PNPLA6: variants seen among roughly 807,000 people sequenced by gnomAD.
PNPLA6 encodes the protein patatin-like phospholipase domain-containing protein 6.
In PNPLA6, 105 loss-of-function variants were observed where a neutral mutation model predicts 153.7. The ratio of observed to expected loss-of-function variants is 0.68; its 90% CI spans 0.58 to 0.80. The LOEUF (loss-of-function observed/expected upper bound fraction) is 0.80. PNPLA6 is among the 30% of genes least tolerant of loss of function. The probability of loss-of-function intolerance (pLI) is 0.00; values close to 1 mark genes in which losing one functional copy is unlikely to be tolerated. For synonymous variants in PNPLA6, 825 were observed against 822.2 expected (o/e 1.00, Z -0.06); for missense variants, 1,423 against 1,919.3 (o/e 0.74, Z 4.83).
At chr19:7,556,907 G>T in intron 26 of PNPLA6, 183 bp downstream of exon 26, 1 of 692,926 alleles carries the variant, frequency 1.4e-6, no homozygotes, top group Non-Finnish European at 2.6e-6. Flanking sequence ...GTCCGTCCTT[G>T]GGGGAGGGGA....
intron 3 of PNPLA6, 115 bp downstream of exon 3, chr19:7,536,661 T>A: frequency 1.3e-6 from 1 of 757,022 alleles, no homozygotes; most frequent in South Asian, 1.5e-5. Context: ...GCGCTGTGGC[T>A]CATGCCTGTA....
chr19:7,544,435 G>A (rs1479848183), intron 13 of PNPLA6, among the ~76,000 whole-genome samples: 3 of 152,168 alleles, frequency 2.0e-5, no homozygotes, highest in African/African-American at 4.8e-5. Context: ...TTGATTGTTA[G>A]GATTTCACAG....
chr19:7,556,994 C>A, intron 26 of PNPLA6, 174 bp from the exon 27 acceptor site: 1 of 743,962 alleles, frequency 1.3e-6, no homozygotes, highest in Non-Finnish European at 2.4e-6. Flanking sequence ...TCCGGGCCAG[C>A]GCCTCCTACT....
intron 18 of PNPLA6, 118 bp from the exon 19 acceptor site, chr19:7,553,757 C>G (rs1246933217): frequency 7.4e-6 from 10 of 1,358,926 alleles, no homozygotes; most frequent in Non-Finnish European, 9.5e-6. Flanking sequence ...GGGCTGCAGT[C>G]TGGGAGCACA....
chr19:7,551,062 G>T lies in PNPLA6; in HGVS notation c.2139G>T (p.Lys713Asn). 6.5e-7 allele frequency: 1 copy of T among 1,549,894 alleles called. No individual in the cohort carries two copies. The highest frequency in any genetic ancestry group is 8.7e-7 in the Non-Finnish European group (1 of 1,146,932). ...CGGTGCGCGACACGGAGCTGGCCAAGCTTCCCGAGGGCACCTTGGGTCACA... is the reference window on the plus strand; with the variant it reads ...CGGTGCGCGACACGGAGCTGGCCAATCTTCCCGAGGGCACCTTGGGTCACA... ...VHAVRDTELA[K>N]LPEGTLGHIK... The change falls in exon 17 of 32, where the codon AAG (lysine) becomes AAT (asparagine). Residue 713 changes from lysine (K) to asparagine (N), a missense_variant. By Grantham distance (94) the Lys-to-Asn change is moderately conservative. Around this residue, in one of 10 missense-constraint regions of PNPLA6, gnomAD observed 63 missense variants for 166.2 expected, o/e 0.38. Coordinates refer to ENST00000600737, the MANE Select transcript of PNPLA6 (RefSeq NM_001166114.2).
intron 3 of PNPLA6, 152 bp downstream of exon 3, chr19:7,536,698 C>T: frequency 2.9e-6 from 2 of 699,576 alleles, no homozygotes; most frequent in Middle Eastern, 2.6e-4. Flanking sequence ...GAGGCTAAGG[C>T]GGGCAGATCA....
At chr19:7,554,372 C>T in intron 20 of PNPLA6, 100 bp downstream of exon 20, 2 of 1,296,802 alleles carry the variant, frequency 1.5e-6, no homozygotes, top group Non-Finnish European at 1.1e-6. Flanking sequence ...ACCACGGAGC[C>T]TGCGTCTTAC....
chr19:7,543,102 C>T lies in PNPLA6; in HGVS notation c.1608+18C>T, dbSNP rs568133745. ...GAGACCAGGTGAGGCTGACCCCTGA[C>T]CTGTAACCATGCCACCTGAGATCAT... On this transcript the variant is annotated intron_variant, in intron 13 of 31. Coordinates refer to ENST00000600737, the MANE Select transcript of PNPLA6 (RefSeq NM_001166114.2). 334 of 1,608,144 alleles carry T rather than the reference C, an allele frequency of 2.1e-4. No homozygotes were observed. Among genetic ancestry groups the T allele is most frequent in the Non-Finnish European group, 2.7e-4 (317 of 1,174,932 alleles).
In PNPLA6 at chr19:7,554,654, G is replaced by C. The variant is rs2023792081; in HGVS notation, c.2565G>C (p.Val855=). 5.0e-6 allele frequency: 8 copies of C among 1,614,008 alleles called. No homozygotes were observed. The highest frequency in any genetic ancestry group is 6.8e-6 in the Non-Finnish European group (8 of 1,180,016). The part of the protein sequence containing the change: ...QTDASLTPWT[V]RCLRQADCIL... The stretch of plus-strand genomic sequence containing the variant: ...ACGCCTCGCTGACGCCCTGGACCGT[G>C]CGCTGCCTGCGACAGGCCGACTGCA... Residue 855 remains valine (V), a synonymous_variant, in exon 21 of 32, where the codon GTG becomes GTC. Transcript: ENST00000600737.
intron 28 of PNPLA6, 55 bp from the exon 29 acceptor site, chr19:7,560,591 AGT>A: frequency 8.6e-7 from 1 of 1,163,026 alleles, no homozygotes. Context: ...GGGCAGACAG[AGT>A]GGGGACAAGC....
rs747473427 is a variant in PNPLA6, at chr19:7,554,300, G to T, written c.2465+28G>T. On this transcript the variant is annotated intron_variant, in intron 20 of 31. Transcript: ENST00000600737. The stretch of plus-strand genomic sequence containing the variant: ...GTGTGTTGCAGAAGGGAGTGGGGAG[G>T]GTGGTGGGTGGGCCTGGAGCCTCAA... The T allele has an allele frequency of 5.5e-5, 88 of 1,596,378 alleles. 1 individual carries two copies. In the South Asian group the frequency reaches 8.7e-4, roughly 16 times the overall value.
Position 7,536,216 on chromosome 19 carries a change from G to A in PNPLA6, c.258G>A (p.Arg86=), listed in dbSNP as rs1299198707. Residue 86 remains arginine, a synonymous_variant, in exon 2 of 32, where the codon CGG becomes CGA. Coordinates refer to ENST00000600737, the MANE Select transcript of PNPLA6 (RefSeq NM_001166114.2). ...AAACCCCAGCCCCGGATGGCCCCCG[G>A]TATCGGTTCCGGAAGAGGGACAAAG... ...VPKTPAPDGP[R]YRFRKRDKVL... is the part of the protein sequence containing the mutation. 1.2e-6 allele frequency: 2 copies of A among 1,613,900 alleles called. No homozygotes were observed. The highest frequency in any genetic ancestry group is 4.5e-5 in the East Asian group (2 of 44,868).
In PNPLA6 at chr19:7,535,805, A is replaced by T. The variant is rs747810712; in HGVS notation, c.17A>T (p.His6Leu). Residue 6 changes from histidine (H) to leucine (L), a missense_variant, in exon 1 of 32, where the codon CAC becomes CTC. Physicochemically the swap from His to Leu is moderately conservative, Grantham distance 99. This residue lies in a region of PNPLA6 where 109 missense variants were observed against 109.4 expected (regional missense o/e 1.00). Transcript: ENST00000600737. The surrounding 1 kb of genome is among the most constrained non-coding windows in gnomAD (Gnocchi z 5.0). Reference protein sequence around the residue: MGTSSHGLATNSSGAK... With the variant: MGTSSLGLATNSSGAK... Reference sequence around the variant, plus strand: ...ATTCTGCAGATGGGGACATCGAGTCACGGGCTGGCTACGAACTCCTCGGGG... The same window carrying T: ...ATTCTGCAGATGGGGACATCGAGTCTCGGGCTGGCTACGAACTCCTCGGGG... The T allele has an allele frequency of 2.0e-6, 3 of 1,536,416 alleles. No individual in the cohort carries two copies. The highest frequency in any genetic ancestry group is 4.9e-5 in the East Asian group (2 of 40,878).
rs2024111680 is a variant in PNPLA6 at position 7,561,741 on chromosome 19, C to G, written c.*179C>G. The G allele has an allele frequency of 2.8e-6, 2 of 701,834 alleles. No homozygotes were observed. Among genetic ancestry groups the G allele is most frequent in the Non-Finnish European group, 5.2e-6 (2 of 384,984 alleles). 43.5% of individuals were successfully genotyped at this position (701,834 alleles called of 1,614,324 possible). A position where few individuals can be genotyped will look rare whatever the true frequency, so the allele number is the denominator to read the frequency against. On this transcript the variant is annotated 3_prime_UTR_variant, in exon 32 of 32. Transcript: ENST00000600737. The stretch of plus-strand genomic sequence containing the variant: ...CACTGATGACTTGACCAGCCCCTCC[C>G]CCAATAAACTCGCCTCTTGGAAATG...
intron 28 of PNPLA6, among the ~76,000 whole-genome samples, chr19:7,559,500 T>C (rs928474913): frequency 2.0e-5 from 3 of 152,144 alleles, no homozygotes; most frequent in African/African-American, 7.2e-5. Flanking sequence ...GCGTGTGTTA[T>C]GTGCTACTGA....
upstream of PNPLA6, chr19:7,535,305 T>C: frequency 3.3e-6 from 2 of 603,662 alleles, no homozygotes; most frequent in Non-Finnish European, 6.0e-6. This position sits in a 1 kb window ranked among gnomAD's most constrained non-coding sequence, Gnocchi z 5.0. Flanking sequence ...GGGACCCGCC[T>C]CATCTCCTGG....
Position 7,557,192 on chromosome 19 carries a change from C to A in PNPLA6, c.3305C>A (p.Ala1102Asp). 1 of 1,613,124 alleles carries A rather than the reference C, an allele frequency of 6.2e-7. No individual in the cohort carries two copies. The change falls in exon 27 of 32, where the codon GCC becomes GAC. Residue 1102 changes from alanine (A) to aspartate (D), a missense_variant. By Grantham distance (126) the Ala-to-Asp change is moderately radical (BLOSUM62 -2). This residue lies in a region of PNPLA6 where 643 missense variants were observed against 835.2 expected (regional missense o/e 0.77). Coordinates refer to ENST00000600737, the MANE Select transcript of PNPLA6 (RefSeq NM_001166114.2). ...KDGSLWRYVR[A>D]SMTLSGYLPP... ...GGCTCCCTGTGGCGGTACGTGCGCGCCAGCATGACGCTGTCGGGCTACCTG... is the reference window on the plus strand; with the variant it reads ...GGCTCCCTGTGGCGGTACGTGCGCGACAGCATGACGCTGTCGGGCTACCTG...
chr19:7,553,912 C>A lies in PNPLA6; in HGVS notation c.2298C>A (p.Thr766=). ...GTGTGCCCCCACACTCGGAACTCACCAACCCAGCCAGCAACCTGGCAACTG... is the reference window on the plus strand; with the variant it reads ...GTGTGCCCCCACACTCGGAACTCACAAACCCAGCCAGCAACCTGGCAACTG... ...GLGVPPHSEL[T]NPASNLATVA... is the part of the protein sequence containing the mutation. Residue 766 remains threonine, a synonymous_variant, in exon 19 of 32, where the codon ACC becomes ACA. Coordinates refer to ENST00000600737, the MANE Select transcript of PNPLA6 (RefSeq NM_001166114.2). The A allele has an allele frequency of 1.2e-6, 2 of 1,614,210 alleles. No homozygotes were observed. Among genetic ancestry groups the A allele is most frequent in the Non-Finnish European group, 1.7e-6 (2 of 1,180,044 alleles).
At chr19:7,559,982 A>T (rs1041383787) in intron 28 of PNPLA6, among the ~76,000 whole-genome samples, 18 of 152,004 alleles carry the variant, frequency 1.2e-4, no homozygotes, top group African/African-American at 4.3e-4. Flanking sequence ...TCTACTAAAT[A>T]TACAAAAATT....
Sources: allele counts gnomAD v4.1 joint callset (sites outside exome capture counted in the v4.1 genomes callset), GRCh38; gene constraint gnomAD v4.1.1; regional missense constraint gnomAD v4.1.1; non-coding constraint Gnocchi (gnomAD v3.1); transcripts MANE v1.5; gene names NCBI Gene and HGNC (gene_info 2026-07-23, HGNC 2026-07-21).